EIF3L: variants seen among roughly 807,000 people sequenced by gnomAD.
EIF3L encodes eIEF associated protein HSPC021.
Under a neutral mutation model 74.6 loss-of-function variants are expected in EIF3L, and 32 were observed. That is an observed-to-expected ratio of 0.43 (90% CI 0.32 to 0.58). EIF3L has a LOEUF of 0.58. Ranked by LOEUF, EIF3L falls within the 20% of genes least tolerant of loss-of-function variation. The pLI, the probability that EIF3L is intolerant of heterozygous loss-of-function variation, is 0.06. For missense variants in EIF3L, 474 were observed against 707.8 expected (o/e 0.67, Z 3.75); for synonymous variants, 256 against 254.4 (o/e 1.01, Z -0.06).
At chr22:37,884,315 T>C (rs1927209685) in intron 11 of EIF3L, 1 of 152,096 alleles carries the variant, frequency 6.6e-6, no homozygotes, top group South Asian at 2.1e-4. Context: ...ACATTTGGGG[T>C]TTTTGGTTTT....
Position 37,877,816 on chromosome 22 carries a change from A to C in EIF3L, c.1220A>C (p.Gln407Pro), listed in dbSNP as rs369601340. The change falls in exon 11 of 13, where the codon CAA becomes CCA. Residue 407 changes from glutamine to proline, a missense_variant. By Grantham distance (76) the Gln-to-Pro change is moderately conservative. Around this residue, in one of 4 missense-constraint regions of EIF3L, gnomAD observed 293 missense variants for 469.1 expected, o/e 0.62. Transcript: ENST00000652021. ...TTGCGCATGCAGAAAGGTGACCCAC[A>C]AGTCTATGAAGAACTTTTCAGTTAC... ...KMLRMQKGDPQVYEELFSYSC... is the reference protein window; with the variant it reads ...KMLRMQKGDPPVYEELFSYSC... 8.7e-6 allele frequency: 14 copies of C among 1,613,818 alleles called. No individual in the cohort carries two copies. Among genetic ancestry groups the C allele is most frequent in the East Asian group, 4.5e-5 (2 of 44,892 alleles).
chr22:37,886,479 G>C (rs1927326394), intron 11 of EIF3L: 1 of 176,656 alleles, frequency 5.7e-6, no homozygotes, highest in African/African-American at 2.4e-5. Flanking sequence ...TGAGGCAAGA[G>C]AATTGCTTGA....
chr22:37,857,088 G>A (rs1334953291), intron 4 of EIF3L, among the ~76,000 whole-genome samples: 7 of 150,952 alleles, frequency 4.6e-5, no homozygotes, highest in African/African-American at 1.2e-4. Context: ...CAGGCCAGGC[G>A]CGGTGGCTCA....
At position 37,886,821 on chromosome 22, in the gene EIF3L, C is replaced by T. The variant is rs147957794; in HGVS notation, c.1632C>T (p.Ile544=). The change falls in exon 12 of 13, where the codon ATC becomes ATT. Residue 544 remains isoleucine, a synonymous_variant. Coordinates refer to ENST00000652021, the MANE Select transcript of EIF3L (RefSeq NM_016091.4). ...CCAGGCGTTATGGGGATTTCTTCAT[C>T]CGTCAGATCCACAAATTTGAGGAGG... ...KVARRYGDFF[I]RQIHKFEELN... The T allele has an allele frequency of 2.5e-5, 41 of 1,611,048 alleles. No individual in the cohort carries two copies. The highest frequency in any genetic ancestry group is 1.8e-4 in the Admixed American group (11 of 59,908).
intron 5 of EIF3L, 75 bp from the exon 6 acceptor site, chr22:37,862,894 C>T: frequency 9.5e-7 from 1 of 1,049,196 alleles, no homozygotes; most frequent in Non-Finnish European, 1.4e-6. Flanking sequence ...TTGTTCACAG[C>T]TGTCACAGTA....
chr22:37,857,371 A>C (rs1429378258), intron 4 of EIF3L, among the ~76,000 whole-genome samples: 10 of 145,660 alleles, frequency 6.9e-5, no homozygotes, highest in African/African-American at 2.6e-4. Context: ...CTGCGTCCCA[A>C]AAAAAAAAAA....
chr22:37,856,321 C>T (rs964573329), intron 4 of EIF3L, among the ~76,000 whole-genome samples: 9 of 152,046 alleles, frequency 5.9e-5, no homozygotes, highest in Admixed American at 2.0e-4. Context: ...AGGTGATTCG[C>T]CCACCTCAGC....
chr22:37,886,986 C>A, intron 12 of EIF3L, 141 bp downstream of exon 12: 2 of 599,862 alleles, frequency 3.3e-6, no homozygotes, highest in Non-Finnish European at 5.7e-6. Context: ...TGGAGTGCAG[C>A]GACGTGATCT....
intron 5 of EIF3L, among the ~76,000 whole-genome samples, chr22:37,859,661 C>T (rs1021455421): frequency 1.3e-5 from 2 of 151,288 alleles, no homozygotes; most frequent in South Asian, 2.1e-4. Context: ...GGATGACAGG[C>T]GTGAGCCACC....
At chr22:37,888,201 A>G (rs1445068028) in intron 12 of EIF3L, 2 of 512,334 alleles carry the variant, frequency 3.9e-6, no homozygotes, top group Non-Finnish European at 6.9e-6. Context: ...AGTGTTGTGT[A>G]TGGGTTTGTT....
rs746969988 is a variant in EIF3L at position 37,849,440 on chromosome 22, C to T, written c.-10C>T. On this transcript the variant is annotated 5_prime_UTR_variant, in exon 1 of 13. Transcript: ENST00000652021. ...CGCTCTTTCCGGCGGTGCTCGCAAG[C>T]GAGGCAGCCATGTCTTATCCCGCTG... The T allele has an allele frequency of 3.7e-6, 6 of 1,613,752 alleles. No individual in the cohort carries two copies. The highest frequency in any genetic ancestry group is 2.2e-5 in the East Asian group (1 of 44,792).
intron 4 of EIF3L, among the ~76,000 whole-genome samples, chr22:37,857,669 C>T (rs974972382): frequency 4.0e-5 from 6 of 151,812 alleles, no homozygotes; most frequent in Non-Finnish European, 8.8e-5. Flanking sequence ...CTCAGCCTCC[C>T]GAGTAGCTGG....
Position 37,877,995 on chromosome 22 carries a change from T to A in EIF3L, c.1399T>A (p.Tyr467Asn), listed in dbSNP as rs1926844281. 1 of 1,613,332 alleles carries A rather than the reference T, an allele frequency of 6.2e-7. No homozygotes were observed. The highest frequency in any genetic ancestry group is 1.3e-5 in the African/African-American group (1 of 74,904). The stretch of plus-strand genomic sequence containing the variant: ...AACCATCCGCAGCTTCCTGAAGCTC[T>A]ACACCACCATGCCTGTGGCCAAGCT... ...LSTIRSFLKL[Y>N]TTMPVAKLAG... Residue 467 changes from tyrosine (Y) to asparagine (N), a missense_variant, in exon 11 of 13, where the codon TAC (tyrosine) becomes AAC (asparagine). Tyr to Asn is a moderately radical substitution (Grantham distance 143, BLOSUM62 -2). Transcript: ENST00000652021.
At chr22:37,862,375 T>A (rs970337763) in intron 5 of EIF3L, among the ~76,000 whole-genome samples, 1 of 152,064 alleles carries the variant, frequency 6.6e-6, no homozygotes, top group Non-Finnish European at 1.5e-5. Context: ...CTGTGGAGGG[T>A]CAGATAATAA....
chr22:37,887,160 C>A, intron 12 of EIF3L: 1 of 246,226 alleles, frequency 4.1e-6, no homozygotes, highest in South Asian at 3.9e-5. Context: ...AGCTCCTGGC[C>A]TCAAGTGATC....
chr22:37,867,010 C>G (rs757904497), intron 7 of EIF3L, among the ~76,000 whole-genome samples: 1 of 152,086 alleles, frequency 6.6e-6, no homozygotes, highest in Non-Finnish European at 1.5e-5. Context: ...TTACTACCAG[C>G]GGTGTTTGAG....
At chr22:37,865,441 A>G (rs1203165391) in intron 7 of EIF3L, among the ~76,000 whole-genome samples, 1 of 152,166 alleles carries the variant, frequency 6.6e-6, no homozygotes, top group Admixed American at 6.5e-5. Flanking sequence ...GCCTGGCGAC[A>G]GAGTGAGACT....
intron 1 of EIF3L, 143 bp downstream of exon 1, chr22:37,849,625 T>G: frequency 1.1e-6 from 1 of 929,732 alleles, no homozygotes; most frequent in Non-Finnish European, 1.6e-6. Context: ...GCTCCCACAG[T>G]TCCCGGTCCC....
At position 37,877,572 on chromosome 22, in the gene EIF3L, TA is replaced by T; in HGVS notation, c.1078-100del. On this transcript the variant is annotated intron_variant, in intron 10 of 12. Coordinates refer to ENST00000652021, the MANE Select transcript of EIF3L (RefSeq NM_016091.4). ...CAATGGCTGGTATGAAACAACTGGG[TA>T]AGTCAAAGATCTGTGCAGAGAATGG... 3.6e-6 allele frequency: 5 copies of T among 1,378,210 alleles called. 1 individual carries two copies. In the South Asian group the frequency reaches 7.2e-5, roughly 20 times the overall value. The allele number at this position is 1,378,210 out of a possible 1,614,324, so 85.4% of individuals were successfully genotyped here.
Sources: allele counts gnomAD v4.1 joint callset (sites outside exome capture counted in the v4.1 genomes callset), GRCh38; gene constraint gnomAD v4.1.1; regional missense constraint gnomAD v4.1.1; transcripts MANE v1.5; gene names NCBI Gene and HGNC (gene_info 2026-07-23, HGNC 2026-07-21).